CRIM1: variants seen among roughly 807,000 people sequenced by gnomAD.
CRIM1 encodes cysteine-rich motor neuron 1 protein.
A neutral mutation model predicts 116.4 loss-of-function variants in CRIM1; 32 were observed. The observed-to-expected ratio is 0.27, with a 90% CI of 0.21 to 0.37. CRIM1 has a LOEUF of 0.37. Ranked by LOEUF, CRIM1 falls within the 10% of genes least tolerant of loss-of-function variation. The pLI is 1.00. For missense variants in CRIM1, 1,331 were observed against 1,354.8 expected, an observed-to-expected ratio of 0.98 and a Z score of 0.28; for synonymous variants, 590 against 509.2, an observed-to-expected ratio of 1.16 and a Z score of -2.13.
chr2:36,431,229 C>T (rs534454462), intron 2 of CRIM1, among the ~76,000 whole-genome samples: 1 of 152,176 alleles, frequency 6.6e-6, no homozygotes, highest in African/African-American at 2.4e-5. Context: ...CCTGTGAGTA[C>T]TCTGTGTGTG....
chr2:36,536,569 T>C, intron 13 of CRIM1, among the ~76,000 whole-genome samples: 1 of 152,118 alleles, frequency 6.6e-6, no homozygotes, highest in East Asian at 1.9e-4. Context: ...TCTTGTGTGC[T>C]AGAGGGAAAT....
At chr2:36,522,877 C>T (rs370973782) in intron 13 of CRIM1, among the ~76,000 whole-genome samples, 16 of 151,514 alleles carry the variant, frequency 1.1e-4, no homozygotes, top group African/African-American at 2.7e-4. Flanking sequence ...ACAGCACTGT[C>T]GTGTTCTATC....
rs115959442 is a variant in CRIM1 at position 36,417,985 on chromosome 2, G to T, written c.505+21198G>T. 7.3e-4 allele frequency among the ~76,000 whole-genome samples: 111 copies of T among 152,294 alleles called. 1 individual carries two copies. The highest frequency in any genetic ancestry group is 6.8e-3 in the Middle Eastern group (2 of 294). On this transcript the variant is annotated intron_variant, in intron 2 of 16. Coordinates refer to ENST00000280527, the MANE Select transcript of CRIM1 (RefSeq NM_016441.3). ...TTCCTAGACCAAGGAGGTGATGGTG[G>T]TGGTGGGTGGAGGAGAATTGTGCAT... is the stretch of plus-strand genomic sequence containing the variant.
At chr2:36,422,635 C>T (rs1051487492) in intron 2 of CRIM1, among the ~76,000 whole-genome samples, 3 of 152,126 alleles carry the variant, frequency 2.0e-5, no homozygotes, top group Non-Finnish European at 4.4e-5. Flanking sequence ...GTTTTTGCTT[C>T]CTTAATGATA....
At chr2:36,406,751 T>C (rs924866185) in intron 2 of CRIM1, among the ~76,000 whole-genome samples, 2 of 152,176 alleles carry the variant, frequency 1.3e-5, no homozygotes, top group Admixed American at 6.5e-5. Context: ...GTGTACAGAT[T>C]CCTAAATTTT....
chr2:36,402,715 G>T (rs1361443733), intron 2 of CRIM1, among the ~76,000 whole-genome samples: 1 of 147,224 alleles, frequency 6.8e-6, no homozygotes, highest in African/African-American at 2.5e-5. Context: ...GAGATGAAGA[G>T]AATTAGGTGC....
At chr2:36,358,086 G>A (rs1668974563) in intron 1 of CRIM1, among the ~76,000 whole-genome samples, 1 of 151,686 alleles carries the variant, frequency 6.6e-6, no homozygotes, top group Non-Finnish European at 1.5e-5. Flanking sequence ...TCTTCTCAGA[G>A]GGGAGGGACT....
chr2:36,378,413 ACAAATGGTCCCC>A (rs1670481044), intron 1 of CRIM1: 1 of 471,202 alleles, frequency 2.1e-6, no homozygotes, highest in Non-Finnish European at 4.4e-6. Context: ...TCAAAGAGGA[ACAAATGGTCCCC>A]CAAATGGTCC....
At chr2:36,410,606 A>T (rs374082094) in intron 2 of CRIM1, among the ~76,000 whole-genome samples, 2 of 152,156 alleles carry the variant, frequency 1.3e-5, no homozygotes, top group East Asian at 3.8e-4. Flanking sequence ...AAGTCCTGAA[A>T]ATACAAAGAT....
At chr2:36,395,262 A>G (rs1250938315) in intron 1 of CRIM1, among the ~76,000 whole-genome samples, 1 of 152,180 alleles carries the variant, frequency 6.6e-6, no homozygotes, top group Non-Finnish European at 1.5e-5. Context: ...TTGGCCTCCC[A>G]AAACGCTGGG....
chr2:36,459,223 G>A (rs1029724018), intron 4 of CRIM1, among the ~76,000 whole-genome samples: 4 of 152,174 alleles, frequency 2.6e-5, no homozygotes, highest in Non-Finnish European at 5.9e-5. Flanking sequence ...TATATGGGCA[G>A]ATTCTGGAGC....
At chr2:36,404,502 G>T (rs763773810) in intron 2 of CRIM1, among the ~76,000 whole-genome samples, 18 of 152,172 alleles carry the variant, frequency 1.2e-4, no homozygotes, top group Non-Finnish European at 2.5e-4. Context: ...TTTCAGTTTA[G>T]AGCTGCTTTA....
intron 8 of CRIM1, among the ~76,000 whole-genome samples, chr2:36,500,164 C>T (rs936484213): frequency 6.6e-6 from 1 of 151,932 alleles, no homozygotes; most frequent in Non-Finnish European, 1.5e-5. Context: ...CCAGCCTCTA[C>T]CAAAAATACA....
At chr2:36,516,391 G>A (rs890952806) in intron 11 of CRIM1, among the ~76,000 whole-genome samples, 5 of 152,134 alleles carry the variant, frequency 3.3e-5, no homozygotes, top group South Asian at 2.1e-4. Flanking sequence ...TTTGGATTAC[G>A]TGACTATGGT....
At chr2:36,548,404 C>A in intron 16 of CRIM1, 121 bp from the exon 17 acceptor site, 1 of 640,840 alleles carries the variant, frequency 1.6e-6, no homozygotes, top group Non-Finnish European at 2.6e-6. Context: ...TGCATACAGG[C>A]TATCAATCAA....
chr2:36,396,754 G>C lies in CRIM1; in HGVS notation c.472G>C (p.Asp158His), dbSNP rs1322607631. Residue 158 changes from aspartate (D) to histidine (H), a missense_variant, in exon 2 of 17, where the codon GAT becomes CAT. By Grantham distance (81) the Asp-to-His change is moderately conservative. This residue lies in a region of CRIM1 where 690 missense variants were observed against 676.0 expected (regional missense o/e 1.02). Coordinates refer to ENST00000280527, the MANE Select transcript of CRIM1 (RefSeq NM_016441.3). Reference protein sequence around the residue: ...CSNPFEFPSQDMCLSALKRIE... With the variant: ...CSNPFEFPSQHMCLSALKRIE... ...CAATCCCTTTGAGTTTCCAAGTCAG[G>C]ATATGTGCCTTTCAGCTTTAAAGAG... 1 of 1,612,930 alleles carries C rather than the reference G, an allele frequency of 6.2e-7. No homozygotes were observed. The highest frequency in any genetic ancestry group is 1.1e-5 in the South Asian group (1 of 90,958).
At chr2:36,517,593 G>T (rs780206806) in intron 12 of CRIM1, 51 bp downstream of exon 12, 8 of 1,560,430 alleles carry the variant, frequency 5.1e-6, no homozygotes, top group Non-Finnish European at 7.0e-6. Flanking sequence ...ATGCAGCTCT[G>T]GGTGTTGTCA....
chr2:36,533,960 G>A (rs1316991771), intron 13 of CRIM1, among the ~76,000 whole-genome samples: 1 of 150,600 alleles, frequency 6.6e-6, no homozygotes, highest in East Asian at 2.0e-4. Flanking sequence ...GAAAGAGGGT[G>A]GGAGGGAAAG....
At chr2:36,496,218 G>C (rs889851306) in intron 7 of CRIM1, among the ~76,000 whole-genome samples, 1 of 152,186 alleles carries the variant, frequency 6.6e-6, no homozygotes. Context: ...GTAATAAAAT[G>C]AGATGCCAAG....
Sources: allele counts gnomAD v4.1 joint callset (sites outside exome capture counted in the v4.1 genomes callset), GRCh38; gene constraint gnomAD v4.1.1; regional missense constraint gnomAD v4.1.1; transcripts MANE v1.5; gene names NCBI Gene and HGNC (gene_info 2026-07-23, HGNC 2026-07-21).